The following LMF1 variants were observed in gnomAD, a reference collection of about 807,000 sequenced individuals.
LMF1 encodes the protein lipase maturation factor 1.
A neutral mutation model predicts 60.6 loss-of-function variants in LMF1; 68 were observed. The ratio of observed to expected loss-of-function variants is 1.12; its 90% CI spans 0.92 to 1.37. The LOEUF (loss-of-function observed/expected upper bound fraction) is 1.37. Among genes scored for constraint, LMF1 ranks in the 40% most tolerant of loss-of-function variants. The pLI is 0.00. For missense variants in LMF1, 948 were observed against 767.2 expected, an observed-to-expected ratio of 1.24 and a Z score of -2.78; for synonymous variants, 418 against 324.7, an observed-to-expected ratio of 1.29 and a Z score of -3.09.
At chr16:954,904 T>C (rs113062609) in intron 1 of LMF1, among the ~76,000 whole-genome samples, 14 of 111,306 alleles carry the variant, frequency 1.3e-4, no homozygotes, top group South Asian at 9.7e-4. Context: ...CACATCTAAG[T>C]GAACTAGACA....
At chr16:954,221 A>T (rs2151476539) in intron 2 of LMF1, 136 bp downstream of exon 2, 1 of 971,722 alleles carries the variant, frequency 1.0e-6, no homozygotes, top group Non-Finnish European at 1.6e-6. Context: ...CCATGGCCTA[A>T]GTAAAATGAC....
At position 934,003 on chromosome 16, in the gene LMF1, G is replaced by C. The variant is rs73483808; in HGVS notation, c.514+241C>G. On this transcript the variant is annotated intron_variant, in intron 3 of 10. Transcript: ENST00000262301. ...GTGGTAATCACACCTGTGAGATGCC[G>C]ACAATCATGCGTGCGACCATCCGTC... The C allele has an allele frequency of 0.083, 123,530 of 1,480,490 alleles. 5,645 individuals carry two copies. The highest frequency in any genetic ancestry group is 0.092 in the Non-Finnish European group (101,901 of 1,112,592). 91.7% of individuals were successfully genotyped at this position (1,480,490 alleles called of 1,614,324 possible).
At chr16:978,785 G>A (rs1306368225) in intron 1 of LMF1, among the ~76,000 whole-genome samples, 1 of 152,016 alleles carries the variant, frequency 6.6e-6, no homozygotes, top group Non-Finnish European at 1.5e-5. Context: ...CTCCCCCCTG[G>A]ATGAAGACAT....
chr16:969,622 A>AG (rs1444988970), intron 1 of LMF1, among the ~76,000 whole-genome samples: 1 of 152,248 alleles, frequency 6.6e-6, no homozygotes, highest in Non-Finnish European at 1.5e-5. Context: ...ATGGAAGGAA[A>AG]GGGAGACGTC....
chr16:895,940 C>T (rs1255773145), intron 4 of LMF1, among the ~76,000 whole-genome samples: 5 of 47,794 alleles, frequency 1.0e-4, no homozygotes, highest in Non-Finnish European at 1.6e-4. Flanking sequence ...GCCACCCACA[C>T]GCAGGCTGCA....
chr16:863,290 G>C (rs1201017287), intron 10 of LMF1, among the ~76,000 whole-genome samples: 1 of 151,988 alleles, frequency 6.6e-6, no homozygotes, highest in Non-Finnish European at 1.5e-5. Flanking sequence ...ACAGGCACCT[G>C]CCACCACGCC....
At chr16:884,635 T>C (rs1344658217) in intron 5 of LMF1, among the ~76,000 whole-genome samples, 2 of 151,746 alleles carry the variant, frequency 1.3e-5, no homozygotes, top group East Asian at 3.9e-4. Flanking sequence ...AGTGGTGATG[T>C]TAGGTGGAGG....
chr16:979,661 C>A (rs1347130426), intron 1 of LMF1: 1 of 454,124 alleles, frequency 2.2e-6, no homozygotes, highest in Admixed American at 2.3e-5. Flanking sequence ...GGCCACCCTG[C>A]CTGCTCGCAG....
intron 10 of LMF1, among the ~76,000 whole-genome samples, chr16:856,267 C>T (rs555183825): frequency 2.3e-4 from 35 of 152,228 alleles, no homozygotes; most frequent in East Asian, 1.6e-3. Flanking sequence ...AGGACGGCAG[C>T]GGCCAGCATG....
chr16:973,176 C>G (rs148585587), upstream of LMF1, among the ~76,000 whole-genome samples: 1,983 of 152,176 alleles, frequency 0.013, 40 homozygotes, highest in African/African-American at 0.045. Context: ...AACCCCGCCT[C>G]TACTAAAAAT....
chr16:963,986 C>G (rs1017358689), intron 1 of LMF1: 3 of 454,474 alleles, frequency 6.6e-6, no homozygotes, highest in Non-Finnish European at 1.3e-5. Context: ...GTCACTACCC[C>G]ACACGGGAGG....
At chr16:980,628 T>G (rs1373639510) in intron 1 of LMF1, 1 of 152,028 alleles carries the variant, frequency 6.6e-6, no homozygotes, top group African/African-American at 2.4e-5. Context: ...GCGCAGCCCC[T>G]TCGCCTCCAG....
intron 5 of LMF1, 36 bp from the exon 6 acceptor site, chr16:879,773 G>A (rs780606019): frequency 5.8e-5 from 89 of 1,545,742 alleles, no homozygotes; most frequent in Admixed American, 3.1e-4. Context: ...GTGCCTGGCC[G>A]ATCTCGGGGG....
Position 879,650 on chromosome 16 carries a change from T to C in LMF1, c.817A>G (p.Ile273Val). ...AGGAAGAAGGGCACCAGGAGCTCGA[T>C]GAAGTGGTTGCTGAGCGTCTCGAAG... Reference protein sequence around the residue: ...HRFETLSNHFIELLVPFFLFL... With the variant: ...HRFETLSNHFVELLVPFFLFL... The change falls in exon 6 of 11, where the codon ATC becomes GTC. Residue 273 changes from isoleucine (I) to valine (V), a missense_variant. Transcript: ENST00000262301. 1.2e-6 allele frequency: 2 copies of C among 1,612,982 alleles called. No individual in the cohort carries two copies. Among genetic ancestry groups the C allele is most frequent in the Non-Finnish European group, 1.7e-6 (2 of 1,179,610 alleles).
intron 1 of LMF1, among the ~76,000 whole-genome samples, chr16:978,007 A>C (rs1353216119): frequency 2.4e-5 from 3 of 127,004 alleles, no homozygotes; most frequent in Admixed American, 7.9e-5. Context: ...CACACACACC[A>C]CACACACACA....
intron 2 of LMF1, among the ~76,000 whole-genome samples, chr16:948,370 AC>A (rs2072308995): frequency 2.0e-5 from 3 of 151,950 alleles, no homozygotes; most frequent in African/African-American, 7.2e-5. Flanking sequence ...AGAGCCAACG[AC>A]AGAGTCAGAG....
chr16:906,347 G>A (rs4984967), intron 4 of LMF1, among the ~76,000 whole-genome samples: 25,875 of 152,082 alleles, frequency 0.17, 2,770 homozygotes, highest in African/African-American at 0.27. Context: ...TCCTGTTTGG[G>A]TCAGGGGGCT....
At chr16:877,051 G>C (rs532864890) in intron 6 of LMF1, among the ~76,000 whole-genome samples, 1 of 152,176 alleles carries the variant, frequency 6.6e-6, no homozygotes, top group Admixed American at 6.5e-5. Context: ...GAGGACACAG[G>C]CCTTGAGGCC....
intron 2 of LMF1, among the ~76,000 whole-genome samples, chr16:938,477 C>G (rs544277891): frequency 9.2e-5 from 14 of 152,318 alleles, no homozygotes; most frequent in Non-Finnish European, 1.6e-4. Context: ...CATACCAGTT[C>G]GGCAGTGCCA....
Sources: allele counts gnomAD v4.1 joint callset (sites outside exome capture counted in the v4.1 genomes callset), GRCh38; gene constraint gnomAD v4.1.1; transcripts MANE v1.5; gene names NCBI Gene and HGNC (gene_info 2026-07-23, HGNC 2026-07-21).